The following MUC4 variants were observed in gnomAD, a reference collection of about 807,000 sequenced individuals.
MUC4 encodes mucin 4, cell surface associated.
In MUC4, 202 loss-of-function variants were observed where a neutral mutation model predicts 257.9. That is an observed-to-expected ratio of 0.78 (90% CI 0.70 to 0.88). The LOEUF (loss-of-function observed/expected upper bound fraction) is 0.88. MUC4 is among the 40% of genes least tolerant of loss of function. MUC4 has a pLI of 0.00. For synonymous variants in MUC4, 2,351 were observed against 2,757.1 expected, an observed-to-expected ratio of 0.85 and a Z score of 4.62; for missense variants, 5,976 against 6,513.7, an observed-to-expected ratio of 0.92 and a Z score of 2.84.
intron 23 of MUC4, 98 bp downstream of exon 23, chr3:195,750,791 A>G: frequency 8.4e-7 from 1 of 1,185,044 alleles, no homozygotes; most frequent in Admixed American, 2.1e-5. Flanking sequence ...CCAAACAAAC[A>G]GAAAAACTCA....
In MUC4 at chr3:195,778,416, C is replaced by T. The variant is rs773476032; in HGVS notation, c.12830G>A (p.Arg4277His). 1.6e-5 allele frequency: 26 copies of T among 1,612,638 alleles called. No homozygotes were observed. The highest frequency in any genetic ancestry group is 1.2e-4 in the Admixed American group (7 of 59,780). Residue 4277 changes from arginine (R) to histidine (H), a missense_variant, in exon 3 of 25, where the codon CGC becomes CAC. Around this residue, in one of 44 missense-constraint regions of MUC4, gnomAD observed 233 missense variants for 171.2 expected, o/e 1.36. Coordinates refer to ENST00000463781, the MANE Select transcript of MUC4 (RefSeq NM_018406.7). ...TPSLKTDGGRRTATSPPPTTS... is the reference protein window; with the variant it reads ...TPSLKTDGGRHTATSPPPTTS... ...TGTGGGGGGTGGTGATGTGGCTGTG[C>T]GTCTCCCACCGTCTGTCTTCAGTGA...
In MUC4 at chr3:195,761,551, C is replaced by T. The variant is rs1022399866; in HGVS notation, c.14547G>A (p.Arg4849=). ...VWNNNPEDDF[R]MPNGSTIPPG... is the part of the protein sequence containing the mutation. Reference sequence around the variant, plus strand: ...GGGGAATGGTGGAGCCATTGGGCATCCTGAAGTCGTCCTCTGGATTGTTAT... The same window carrying T: ...GGGGAATGGTGGAGCCATTGGGCATTCTGAAGTCGTCCTCTGGATTGTTAT... Residue 4849 remains arginine, a synonymous_variant, in exon 15 of 25, where the codon AGG becomes AGA. Transcript: ENST00000463781. The T allele has an allele frequency of 6.2e-7, 1 of 1,614,028 alleles. No individual in the cohort carries two copies. Among genetic ancestry groups the T allele is most frequent in the African/African-American group, 1.3e-5 (1 of 74,930 alleles).
In MUC4 at chr3:195,789,288, A is replaced by C; in HGVS notation, c.2292T>G (p.Pro764=). ...QWTSASASTS[P]DTAAAMTHTH... Reference sequence around the variant, plus strand: ...TATGGGTCATGGCTGCTGCTGTGTCAGGTGAGGTGCTGGCAGAGGCTGATG... The same window carrying C: ...TATGGGTCATGGCTGCTGCTGTGTCCGGTGAGGTGCTGGCAGAGGCTGATG... The change falls in exon 2 of 25, where the codon CCT becomes CCG. Residue 764 remains proline (P), a synonymous_variant. Coordinates refer to ENST00000463781, the MANE Select transcript of MUC4 (RefSeq NM_018406.7). The C allele has an allele frequency of 6.2e-7, 1 of 1,613,816 alleles. No homozygotes were observed. Among genetic ancestry groups the C allele is most frequent in the African/African-American group, 1.3e-5 (1 of 74,980 alleles).
At position 195,789,005 on chromosome 3, in the gene MUC4, C is replaced by G. The variant is rs886823173; in HGVS notation, c.2575G>C (p.Val859Leu). The change falls in exon 2 of 25, where the codon GTA (valine) becomes CTA (leucine). Residue 859 changes from valine (V) to leucine (L), a missense_variant. Val to Leu is a conservative substitution (Grantham distance 32). Around this residue, in one of 44 missense-constraint regions of MUC4, gnomAD observed 1,583 missense variants for 1,257.4 expected, o/e 1.26. Transcript: ENST00000463781. ...SASASHGAIP[V>L]STGMASSIVP... ...ATCGAAGACGCCATTCCTGTGCTTA[C>G]TGGGATGGCACCATGACTGGCTGAG... The G allele has an allele frequency of 2.5e-6, 4 of 1,613,736 alleles. No homozygotes were observed. Among genetic ancestry groups the G allele is most frequent in the Non-Finnish European group, 3.4e-6 (4 of 1,179,860 alleles).
chr3:195,756,661 C>G (rs1717734041), intron 18 of MUC4, among the ~76,000 whole-genome samples: 1 of 111,214 alleles, frequency 9.0e-6, no homozygotes, highest in Non-Finnish European at 1.9e-5. Flanking sequence ...CTTTTCTTTT[C>G]TTTTCTTTTC....
At position 195,784,699 on chromosome 3, in the gene MUC4, G is replaced by A. The variant is rs538267742; in HGVS notation, c.6881C>T (p.Pro2294Leu). The A allele has an allele frequency of 1.9e-5, 27 of 1,445,400 alleles. 1 individual carries two copies. Among genetic ancestry groups the A allele is most frequent in the South Asian group, 5.1e-5 (4 of 79,132 alleles). The allele number at this position is 1,445,400 out of a possible 1,614,324, so 89.5% of individuals were successfully genotyped here. A position where few individuals can be genotyped will look rare whatever the true frequency, so the allele number is the denominator to read the frequency against. The change falls in exon 2 of 25, where the codon CCT becomes CTT. Residue 2294 changes from proline (P) to leucine (L), a missense_variant. Coordinates refer to ENST00000463781, the MANE Select transcript of MUC4 (RefSeq NM_018406.7). The stretch of plus-strand genomic sequence containing the variant: ...GGCGTGACCTGTGGATGCTGAGGAA[G>A]GGCTAGTGACAGGAAGAGGAGTGGT... The part of the protein sequence containing the change: ...GDTTPLPVTS[P>L]SSASTGHATP...
At chr3:195,756,450 GGGGAGGT>G (rs1397579001) in intron 18 of MUC4, among the ~76,000 whole-genome samples, 1 of 152,266 alleles carries the variant, frequency 6.6e-6, no homozygotes, top group Non-Finnish European at 1.5e-5. Flanking sequence ...CCTGGCAGAA[GGGGAGGT>G]GGGAGATAAA....
intron 1 of MUC4, among the ~76,000 whole-genome samples, chr3:195,811,145 A>ATATTTATT (rs71885309): frequency 1.8e-4 from 24 of 136,702 alleles, no homozygotes; most frequent in African/African-American, 4.6e-4. Context: ...ATTTTATTTT[A>ATATTTATT]TATTTATTTA....
At chr3:195,764,909 G>T (rs1423830041) in intron 10 of MUC4, 88 bp downstream of exon 10, 5 of 1,540,416 alleles carry the variant, frequency 3.2e-6, no homozygotes, top group Non-Finnish European at 4.4e-6. Flanking sequence ...GAGGGGAAGG[G>T]TCTGGGAAGG....
At position 195,781,206 on chromosome 3, in the gene MUC4, A is replaced by T. The variant is rs1462766533; in HGVS notation, c.10374T>A (p.Pro3458=). Residue 3458 remains proline (P), a synonymous_variant, in exon 2 of 25, where the codon CCT becomes CCA. Transcript: ENST00000463781. ...SASTGHTTPL[P]VTDTSSASTG... is the part of the protein sequence containing the mutation. Reference sequence around the variant, plus strand: ...TGGATGCTGAGGAAGTGTCGGTGACAGGAAGAGGGGTGGTGTGACCTGTAG... The same window carrying T: ...TGGATGCTGAGGAAGTGTCGGTGACTGGAAGAGGGGTGGTGTGACCTGTAG... 2 of 1,410,510 alleles carry T rather than the reference A, an allele frequency of 1.4e-6. No individual in the cohort carries two copies. Among genetic ancestry groups the T allele is most frequent in the Non-Finnish European group, 1.9e-6 (2 of 1,054,006 alleles). The allele number at this position is 1,410,510 out of a possible 1,614,324, so 87.4% of individuals were successfully genotyped here.
At chr3:195,752,287 G>T in intron 21 of MUC4, 86 bp downstream of exon 21, 1 of 1,249,816 alleles carries the variant, frequency 8.0e-7, no homozygotes, top group Non-Finnish European at 1.2e-6. Flanking sequence ...TGGATGACAA[G>T]ATGAAGGCCG....
intron 17 of MUC4, among the ~76,000 whole-genome samples, chr3:195,758,447 T>C (rs1404308263): frequency 6.6e-6 from 1 of 152,180 alleles, no homozygotes; most frequent in Non-Finnish European, 1.5e-5. Context: ...CTTCCTTTAA[T>C]AGATATAAAA....
At chr3:195,797,321 G>A (rs1285610397) in intron 1 of MUC4, among the ~76,000 whole-genome samples, 1 of 150,848 alleles carries the variant, frequency 6.6e-6, no homozygotes, top group Non-Finnish European at 1.5e-5. Context: ...ATCAAGCTGA[G>A]TTTAAATCAG....
chr3:195,776,834 G>GCCA (rs1724916662), intron 3 of MUC4, among the ~76,000 whole-genome samples: 4 of 6,748 alleles, frequency 5.9e-4, no homozygotes, highest in Admixed American at 1.9e-3. Context: ...ACCTTCCACA[G>GCCA]TCATACCTTC....
intron 20 of MUC4, 151 bp from the exon 21 acceptor site, chr3:195,752,597 A>C (rs1577936159): frequency 6.7e-6 from 4 of 601,318 alleles, no homozygotes; most frequent in South Asian, 1.9e-5. Flanking sequence ...CCTACATTCC[A>C]CAGTGACAGA....
At chr3:195,750,115 T>C (rs1291040799) in intron 23 of MUC4, 4 of 152,212 alleles carry the variant, frequency 2.6e-5, no homozygotes, top group African/African-American at 7.2e-5. Flanking sequence ...GCAGTTCCTG[T>C]TGTGTTTGGG....
At chr3:195,774,329 G>C (rs1723856201) in intron 3 of MUC4, 24 bp from the exon 4 acceptor site, 2 of 1,499,948 alleles carry the variant, frequency 1.3e-6, no homozygotes, top group African/African-American at 1.4e-5. Context: ...GAGAAGAGCA[G>C]GAAGTCCAAG....
rs776692921 is a variant in MUC4, at chr3:195,790,248, A to C, written c.1332T>G (p.Pro444=). 14 of 1,613,824 alleles carry C rather than the reference A, an allele frequency of 8.7e-6. No individual in the cohort carries two copies. In the South Asian group the frequency reaches 1.4e-4, roughly 16 times the overall value. Residue 444 remains proline (P), a synonymous_variant, in exon 2 of 25, where the codon CCT becomes CCG. Coordinates refer to ENST00000463781, the MANE Select transcript of MUC4 (RefSeq NM_018406.7). ...TGTGGAAAGCTGTGGATATTTTTGGAGGTAGAGAACTGGGGGAGAGTGCTG... is the reference window on the plus strand; with the variant it reads ...TGTGGAAAGCTGTGGATATTTTTGGCGGTAGAGAACTGGGGGAGAGTGCTG... The part of the protein sequence containing the change: ...LSTALSPSSL[P]PKISTAFHTQ...
At chr3:195,767,739 T>TCATCAC (rs1721494717) in intron 7 of MUC4, among the ~76,000 whole-genome samples, 3 of 3,146 alleles carry the variant, frequency 9.5e-4, no homozygotes, top group African/African-American at 3.1e-3. Context: ...ACCACCACCA[T>TCATCAC]CACCATCGCC....
Sources: gnomAD v4.1 joint callset for allele counts (sites outside exome capture counted in the v4.1 genomes callset) on GRCh38, gnomAD v4.1.1 for gene constraint, gnomAD v4.1.1 regional missense constraint, MANE v1.5 for transcripts, NCBI Gene and HGNC (gene_info 2026-07-23, HGNC 2026-07-21) for gene names.